POLE4: variants seen among roughly 807,000 people sequenced by gnomAD.
The protein encoded by POLE4 is DNA polymerase epsilon 4, accessory subunit.
In POLE4, 15 loss-of-function variants were observed where a neutral mutation model predicts 15.6. That is an observed-to-expected ratio of 0.96 (90% CI 0.64 to 1.48). The LOEUF is 1.48. Among genes scored for constraint, POLE4 ranks in the 40% most tolerant of loss-of-function variants. POLE4 has a pLI of 0.00. For synonymous variants in POLE4, 83 were observed against 63.2 expected, an observed-to-expected ratio of 1.31 and a Z score of -1.49; for missense variants, 205 against 151.9, an observed-to-expected ratio of 1.35 and a Z score of -1.84.
chr2:74,961,644 T>C (rs147655262), intron 3 of POLE4: 4 of 152,328 alleles, frequency 2.6e-5, no homozygotes, highest in East Asian at 1.9e-4. Flanking sequence ...GGTGGTCTTA[T>C]GTAGTTTTCC....
chr2:74,960,099 T>C lies in POLE4; in HGVS notation c.299-6T>C. The C allele has an allele frequency of 6.2e-7, 1 of 1,613,606 alleles. No individual in the cohort carries two copies. Among genetic ancestry groups the C allele is most frequent in the South Asian group, 1.1e-5 (1 of 91,060 alleles). The stretch of plus-strand genomic sequence containing the variant: ...TAGTCAGGTGTCTCTTTTCCTTGTG[T>C]TTCAGATAATGCAATAGAAGCTGTG... On this transcript the variant is annotated splice_polypyrimidine_tract_variant and splice_region_variant and intron_variant, in intron 2 of 3. Transcript: ENST00000483063.
At chr2:74,967,366 G>A (rs1671311746) in intron 3 of POLE4, among the ~76,000 whole-genome samples, 1 of 148,410 alleles carries the variant, frequency 6.7e-6, no homozygotes, top group Non-Finnish European at 1.5e-5. Flanking sequence ...TCAGTACTGT[G>A]AGTTCTGTTT....
intron 3 of POLE4, among the ~76,000 whole-genome samples, chr2:74,968,840 C>T (rs947423023): frequency 5.3e-5 from 8 of 151,960 alleles, no homozygotes; most frequent in Non-Finnish European, 7.4e-5. Flanking sequence ...CTGCAGCCCC[C>T]TCTGTTCATT....
chr2:74,958,724 G>C lies in POLE4; in HGVS notation c.45G>C (p.Glu15Asp). The C allele has an allele frequency of 5.3e-6, 8 of 1,513,914 alleles. No homozygotes were observed. Among genetic ancestry groups the C allele is most frequent in the Non-Finnish European group, 7.1e-6 (8 of 1,132,786 alleles). 93.8% of individuals were successfully genotyped at this position (1,513,914 alleles called of 1,614,324 possible). A position where few individuals can be genotyped will look rare whatever the true frequency, so the allele number is the denominator to read the frequency against. Residue 15 changes from glutamate to aspartate, a missense_variant, in exon 1 of 4, where the codon GAG becomes GAC. Glu to Asp is a conservative substitution (Grantham distance 45). Transcript: ENST00000483063. ...CAGGAAGCGGGACGCCCCGAGAGGAGGAGGGACCTGCTGGGGAGGCAGCGG... is the reference window on the plus strand; with the variant it reads ...CAGGAAGCGGGACGCCCCGAGAGGACGAGGGACCTGCTGGGGAGGCAGCGG... ...AAAGSGTPRE[E>D]EGPAGEAAAS...
intron 3 of POLE4, chr2:74,961,242 C>A (rs564362924): frequency 1.3e-5 from 2 of 152,328 alleles, no homozygotes; most frequent in South Asian, 4.1e-4. Context: ...CTCTTTTTTA[C>A]TCCTTTGTTC....
At chr2:74,961,485 A>C (rs1328949535) in intron 3 of POLE4, 2 of 152,212 alleles carry the variant, frequency 1.3e-5, no homozygotes, top group Non-Finnish European at 1.5e-5. Flanking sequence ...TAAGTTCTGC[A>C]GTCAAAAATG....
rs948309908 is a variant in POLE4 at position 74,958,701 on chromosome 2, G to A, written c.22G>A (p.Gly8Arg). The change falls in exon 1 of 4, where the codon GGA becomes AGA. Residue 8 changes from glycine to arginine, a missense_variant. Physicochemically the swap from Gly to Arg is moderately radical, Grantham distance 125. Transcript: ENST00000483063. ...CGGGATGGCGGCGGCGGCGGCGGCA[G>A]GAAGCGGGACGCCCCGAGAGGAGGA... The part of the protein sequence containing the change: MAAAAAA[G>R]SGTPREEEGP... The A allele has an allele frequency of 1.9e-5, 28 of 1,476,728 alleles. No homozygotes were observed. The African/African-American group carries it at 3.0e-4, about 16-fold the overall frequency. 91.5% of individuals were successfully genotyped at this position (1,476,728 alleles called of 1,614,324 possible).
chr2:74,967,083 T>A (rs1671307984), intron 3 of POLE4, among the ~76,000 whole-genome samples: 1 of 152,192 alleles, frequency 6.6e-6, no homozygotes, highest in Non-Finnish European at 1.5e-5. Context: ...ATGTAGTTTG[T>A]TTGAGCTTCT....
At chr2:74,959,139 G>T (rs942438380) in intron 1 of POLE4, 43 of 611,654 alleles carry the variant, frequency 7.0e-5, no homozygotes, top group Non-Finnish European at 1.2e-4. Context: ...AGAACTTGTA[G>T]GAGTCTTTAG....
chr2:74,958,810 CGCGAGTG>C lies in POLE4; in HGVS notation c.132_138del (p.Val46ProfsTer3). 6.4e-7 allele frequency: 1 copy of C among 1,555,846 alleles called. No individual in the cohort carries two copies. Among genetic ancestry groups the C allele is most frequent in the South Asian group, 1.2e-5 (1 of 84,388 alleles). ...GCTCGTCTCTCGAGGTTGCCTCTGGCGCGAGTGAAGGCCTTGGTGAAGGCAGATCCCG... is the reference window on the plus strand; with the variant it reads ...GCTCGTCTCTCGAGGTTGCCTCTGGCAAGGCCTTGGTGAAGGCAGATCCCG... On this transcript the variant is annotated frameshift_variant, in exon 1 of 4. Coordinates refer to ENST00000483063, the MANE Select transcript of POLE4 (RefSeq NM_019896.4). LOFTEE classifies it high-confidence loss of function.
chr2:74,968,583 A>G (rs777583565), intron 3 of POLE4, among the ~76,000 whole-genome samples: 3 of 150,312 alleles, frequency 2.0e-5, no homozygotes, highest in Non-Finnish European at 4.4e-5. Flanking sequence ...AGTTTTCTCC[A>G]TATAGTTCAT....
At chr2:74,968,281 TTTC>T (rs1164805443) in intron 3 of POLE4, among the ~76,000 whole-genome samples, 2 of 152,208 alleles carry the variant, frequency 1.3e-5, no homozygotes, top group Non-Finnish European at 2.9e-5. Context: ...TTGCTTTATT[TTTC>T]TTATGTTTTT....
chr2:74,960,439 C>T lies in POLE4; in HGVS notation c.340+293C>T, dbSNP rs141722992. Among the ~76,000 whole-genome samples, 657 of 152,110 alleles carry T rather than the reference C, an allele frequency of 4.3e-3. 9 individuals carry two copies. Among genetic ancestry groups the T allele is most frequent in the African/African-American group, 0.015 (603 of 41,400 alleles). ...TTCGATTCCTACTTTGATCGCCATC[C>T]CTAAATGTCAGGCTTGCCCCCCCTC... On this transcript the variant is annotated intron_variant, in intron 3 of 3. Coordinates refer to ENST00000483063, the MANE Select transcript of POLE4 (RefSeq NM_019896.4).
At chr2:74,967,399 C>T (rs1210627418) in intron 3 of POLE4, among the ~76,000 whole-genome samples, 1 of 144,284 alleles carries the variant, frequency 6.9e-6, no homozygotes, top group Non-Finnish European at 1.5e-5. Flanking sequence ...AATCTGTTGT[C>T]TTTTTTTTTA....
chr2:74,966,465 G>C (rs1033173238), intron 3 of POLE4, among the ~76,000 whole-genome samples: 2 of 152,102 alleles, frequency 1.3e-5, no homozygotes, highest in African/African-American at 4.8e-5. Flanking sequence ...GCAGTGGTGC[G>C]ATCTCAGCTC....
intron 3 of POLE4, among the ~76,000 whole-genome samples, chr2:74,963,002 TC>T (rs1419360222): frequency 6.6e-6 from 1 of 152,240 alleles, no homozygotes; most frequent in Non-Finnish European, 1.5e-5. Flanking sequence ...TTGTTCGTGT[TC>T]CTTGCTATAT....
chr2:74,963,884 A>G (rs1483023283), intron 3 of POLE4, among the ~76,000 whole-genome samples: 1 of 151,250 alleles, frequency 6.6e-6, no homozygotes, highest in Non-Finnish European at 1.5e-5. Context: ...TTTGATACGC[A>G]TTAAAATATA....
intron 3 of POLE4, among the ~76,000 whole-genome samples, chr2:74,965,277 G>A (rs1419807958): frequency 6.6e-6 from 1 of 151,898 alleles, no homozygotes; most frequent in Non-Finnish European, 1.5e-5. Context: ...TATTTTAGTA[G>A]AGATGGGGTT....
At chr2:74,959,515 G>C in intron 2 of POLE4, 90 bp downstream of exon 2, 1 of 796,670 alleles carries the variant, frequency 1.3e-6, no homozygotes. Flanking sequence ...ACTCTGATCT[G>C]AGAGGTGCCA....
Sources: allele counts gnomAD v4.1 joint callset (sites outside exome capture counted in the v4.1 genomes callset), GRCh38; gene constraint gnomAD v4.1.1; transcripts MANE v1.5; gene names NCBI Gene and HGNC (gene_info 2026-07-23, HGNC 2026-07-21).